CYP21A2: variants seen among roughly 807,000 people sequenced by gnomAD.
The protein encoded by CYP21A2 is steroid 21-hydroxylase.
In CYP21A2, 24 loss-of-function variants were observed where a neutral mutation model predicts 47.4. That is an observed-to-expected ratio of 0.51 (90% CI 0.37 to 0.71). The LOEUF is 0.71. Among genes scored for constraint, CYP21A2 ranks in the 30% least tolerant of loss-of-function variants. The pLI is 0.00. For synonymous variants in CYP21A2, 130 were observed against 273.9 expected, an observed-to-expected ratio of 0.47 and a Z score of 5.19; for missense variants, 358 against 643.2, an observed-to-expected ratio of 0.56 and a Z score of 4.80.
chr6:32,039,841 G>T lies in CYP21A2; in HGVS notation c.738+6G>T. ...TGCAGCTGAGGCAGCACAAGGTGGG[G>T]ACTGTACGTGGACGGCCTCCCCTCG... On this transcript the variant is annotated splice_donor_region_variant and intron_variant, in intron 6 of 9. Coordinates refer to ENST00000644719, the MANE Select transcript of CYP21A2 (RefSeq NM_000500.9). The T allele has an allele frequency of 1.2e-6, 2 of 1,613,276 alleles. No individual in the cohort carries two copies. The highest frequency in any genetic ancestry group is 8.5e-7 in the Non-Finnish European group (1 of 1,179,656).
rs769730855 is a variant in CYP21A2 at position 32,040,445 on chromosome 6, G to A, written c.979G>A (p.Gly327Ser). The change falls in exon 8 of 10, where the codon GGC (glycine) becomes AGC (serine). Residue 327 changes from glycine (G) to serine (S), a missense_variant. By Grantham distance (56) the Gly-to-Ser change is moderately conservative. Transcript: ENST00000644719. ...RLQEELDHEL[G>S]PGASSSRVPY... ...GCAGGAGGAGCTAGACCACGAACTG[G>A]GCCCTGGTGCCTCCAGCTCCCGGGT... The A allele has an allele frequency of 1.2e-6, 2 of 1,613,154 alleles. No individual in the cohort carries two copies. The highest frequency in any genetic ancestry group is 1.7e-6 in the Non-Finnish European group (2 of 1,179,810).
rs377484718 is a variant in CYP21A2, at chr6:32,040,447, C to A, written c.981C>A (p.Gly327=). Residue 327 remains glycine (G), a synonymous_variant, in exon 8 of 10, where the codon GGC becomes GGA. Coordinates refer to ENST00000644719, the MANE Select transcript of CYP21A2 (RefSeq NM_000500.9). ...RLQEELDHEL[G]PGASSSRVPY... is the part of the protein sequence containing the mutation. ...AGGAGGAGCTAGACCACGAACTGGGCCCTGGTGCCTCCAGCTCCCGGGTCC... is the reference window on the plus strand; with the variant it reads ...AGGAGGAGCTAGACCACGAACTGGGACCTGGTGCCTCCAGCTCCCGGGTCC... The A allele has an allele frequency of 7.7e-5, 124 of 1,613,064 alleles. 1 individual carries two copies. Among genetic ancestry groups the A allele is most frequent in the Admixed American group, 1.8e-4 (11 of 60,012 alleles).
At position 32,039,985 on chromosome 6, in the gene CYP21A2, G is replaced by T. The variant is rs374056854; in HGVS notation, c.739-20G>T. 3.8e-5 allele frequency: 62 copies of T among 1,611,618 alleles called. No homozygotes were observed. The African/African-American group carries it at 7.1e-4, about 18-fold the overall frequency. The stretch of plus-strand genomic sequence containing the variant: ...TCTCCCCAGGCCAGCCGCTCAGCCC[G>T]CTCCTTTCACCCTCTGCAGGAGAGC... On this transcript the variant is annotated intron_variant, in intron 6 of 9. Transcript: ENST00000644719.
At chr6:32,039,275 C>G in intron 3 of CYP21A2, 27 bp downstream of exon 3, 1 of 1,572,270 alleles carries the variant, frequency 6.4e-7, no homozygotes. Flanking sequence ...GAGGCCACCT[C>G]GGGTCAGCCT....
chr6:32,038,867 T>A (rs543633765), intron 2 of CYP21A2, 56 bp downstream of exon 2: 4 of 1,389,402 alleles, frequency 2.9e-6, no homozygotes, highest in Non-Finnish European at 4.0e-6. Context: ...AAGAGATGGG[T>A]TCTTGCTATG....
chr6:32,038,482 G>C lies in CYP21A2; in HGVS notation c.60G>C (p.Trp20Cys), dbSNP rs746097144. 67 of 1,587,140 alleles carry C rather than the reference G, an allele frequency of 4.2e-5. No individual in the cohort carries two copies. In the African/African-American group the frequency reaches 5.7e-4, roughly 13 times the overall value. Residue 20 changes from tryptophan to cysteine, a missense_variant, in exon 1 of 10, where the codon TGG becomes TGC. Transcript: ENST00000644719. The stretch of plus-strand genomic sequence containing the variant: ...TGCTGGCTGGCGCCCGCCTGCTGTG[G>C]AACTGGTGGAAGCTCCGGAGCCTCC... ...LPLLAGARLL[W>C]NWWKLRSLHL...
At position 32,040,422 on chromosome 6, in the gene CYP21A2, A is replaced by G; in HGVS notation, c.956A>G (p.Gln319Arg). 1.2e-6 allele frequency: 2 copies of G among 1,613,090 alleles called. No homozygotes were observed. Among genetic ancestry groups the G allele is most frequent in the Non-Finnish European group, 1.7e-6 (2 of 1,179,814 alleles). Reference protein sequence around the residue: ...LHHPEIQQRLQEELDHELGPG... With the variant: ...LHHPEIQQRLREELDHELGPG... ...ATTCCCCAGATTCAGCAGCGACTGC[A>G]GGAGGAGCTAGACCACGAACTGGGC... The change falls in exon 8 of 10, where the codon CAG (glutamine) becomes CGG (arginine). Residue 319 changes from glutamine (Q) to arginine (R), a missense_variant. Gln to Arg is a conservative substitution (Grantham distance 43). Transcript: ENST00000644719.
In CYP21A2 at chr6:32,040,026, T is replaced by C. The variant is rs759857632; in HGVS notation, c.760T>C (p.Trp254Arg). The change falls in exon 7 of 10, where the codon TGG becomes CGG. Residue 254 changes from tryptophan to arginine, a missense_variant. By Grantham distance (101) the Trp-to-Arg change is moderately radical. Coordinates refer to ENST00000644719, the MANE Select transcript of CYP21A2 (RefSeq NM_000500.9). ...QHKESLVAGQ[W>R]RDMMDYMLQG... ...GCAGGAGAGCCTCGTGGCAGGCCAGTGGAGGGACATGATGGACTACATGCT... is the reference window on the plus strand; with the variant it reads ...GCAGGAGAGCCTCGTGGCAGGCCAGCGGAGGGACATGATGGACTACATGCT... 6.2e-7 allele frequency: 1 copy of C among 1,612,284 alleles called. No homozygotes were observed. Among genetic ancestry groups the C allele is most frequent in the East Asian group, 2.2e-5 (1 of 44,842 alleles).
rs1776093934 is a variant in CYP21A2 at position 32,039,413 on chromosome 6, A to G, written c.505A>G (p.Thr169Ala). Reference protein sequence around the residue: ...VAIEEEFSLLTCSIICYLTFG... With the variant: ...VAIEEEFSLLACSIICYLTFG... Reference sequence around the variant, plus strand: ...CATTGAGGAGGAATTCTCTCTCCTCACCTGCAGCATCATCTGTTACCTCAC... The same window carrying G: ...CATTGAGGAGGAATTCTCTCTCCTCGCCTGCAGCATCATCTGTTACCTCAC... The change falls in exon 4 of 10, where the codon ACC becomes GCC. Residue 169 changes from threonine (T) to alanine (A), a missense_variant. By Grantham distance (58) the Thr-to-Ala change is moderately conservative. Transcript: ENST00000644719. 1.9e-6 allele frequency: 3 copies of G among 1,613,122 alleles called. No homozygotes were observed. The highest frequency in any genetic ancestry group is 8.5e-7 in the Non-Finnish European group (1 of 1,179,698).
Position 32,040,508 on chromosome 6 carries a change from G to T in CYP21A2, c.1042G>T (p.Ala348Ser). ...KDRARLPLLN[A>S]TIAEVLRLRP... is the part of the protein sequence containing the mutation. ...CCGTGCACGGCTGCCCTTGCTCAATGCCACCATCGCCGAGGTGCTGCGCCT... is the reference window on the plus strand; with the variant it reads ...CCGTGCACGGCTGCCCTTGCTCAATTCCACCATCGCCGAGGTGCTGCGCCT... The change falls in exon 8 of 10, where the codon GCC becomes TCC. Residue 348 changes from alanine to serine, a missense_variant. By Grantham distance (99) the Ala-to-Ser change is moderately conservative. Coordinates refer to ENST00000644719, the MANE Select transcript of CYP21A2 (RefSeq NM_000500.9). 1 of 1,613,526 alleles carries T rather than the reference G, an allele frequency of 6.2e-7. No homozygotes were observed. The highest frequency in any genetic ancestry group is 8.5e-7 in the Non-Finnish European group (1 of 1,179,806).
Position 32,039,596 on chromosome 6 carries a change from A to C in CYP21A2, c.600A>C (p.Lys200Asn). 1 of 1,575,490 alleles carries C rather than the reference A, an allele frequency of 6.3e-7. No individual in the cohort carries two copies. The highest frequency in any genetic ancestry group is 1.8e-5 in the Admixed American group (1 of 54,476). ...ACAAATGTATCCAGGAGGTGTTAAA[A>C]ACCTGGAGCCACTGGTCCATCCAAA... The part of the protein sequence containing the change: ...AYYKCIQEVL[K>N]TWSHWSIQIV... The change falls in exon 5 of 10, where the codon AAA becomes AAC. Residue 200 changes from lysine (K) to asparagine (N), a missense_variant. Coordinates refer to ENST00000644719, the MANE Select transcript of CYP21A2 (RefSeq NM_000500.9).
chr6:32,038,812 G>C lies in CYP21A2; in HGVS notation c.292+1G>C, dbSNP rs779144910. 1 of 1,429,352 alleles carries C rather than the reference G, an allele frequency of 7.0e-7. No homozygotes were observed. Among genetic ancestry groups the C allele is most frequent in the Non-Finnish European group, 9.8e-7 (1 of 1,020,306 alleles). The allele number at this position is 1,429,352 out of a possible 1,614,324, so 88.5% of individuals were successfully genotyped here. A position where few individuals can be genotyped will look rare whatever the true frequency, so the allele number is the denominator to read the frequency against. On this transcript the variant is annotated splice_donor_variant, in intron 2 of 9. Transcript: ENST00000644719. LOFTEE classifies it high-confidence loss of function. ...GCTGGCAGACCTGAGCCACTTACCT[G>C]TAAGGGCCGGGGGCATTTTTTCTTT...
At position 32,038,544 on chromosome 6, in the gene CYP21A2, T is replaced by C. The variant is rs1299056901; in HGVS notation, c.122T>C (p.Leu41Pro). The change falls in exon 1 of 10, where the codon CTG becomes CCG. Residue 41 changes from leucine to proline, a missense_variant. By Grantham distance (98) the Leu-to-Pro change is moderately conservative. Coordinates refer to ENST00000644719, the MANE Select transcript of CYP21A2 (RefSeq NM_000500.9). Reference protein sequence around the residue: ...PPLAPGFLHLLQPDLPIYLLG... With the variant: ...PPLAPGFLHLPQPDLPIYLLG... ...CTTGCCCCGGGCTTCTTGCACCTGC[T>C]GCAGCCCGACCTCCCCATCTATCTG... The C allele has an allele frequency of 1.2e-6, 2 of 1,603,898 alleles. No homozygotes were observed. Among genetic ancestry groups the C allele is most frequent in the Non-Finnish European group, 1.7e-6 (2 of 1,174,938 alleles).
rs770819769 is a variant in CYP21A2 at position 32,041,485 on chromosome 6, G to A, written c.*351G>A. On this transcript the variant is annotated 3_prime_UTR_variant, in exon 10 of 10. Coordinates refer to ENST00000644719, the MANE Select transcript of CYP21A2 (RefSeq NM_000500.9). ...GGGTTGTCAAGAGAGAGTCAAAGCC[G>A]GATGTCCCATCTGCTCTTCCCGTTC... 4.1e-5 allele frequency: 47 copies of A among 1,154,320 alleles called. 3 individuals are homozygous for A. The highest frequency in any genetic ancestry group is 1.7e-4 in the African/African-American group (10 of 59,708). The allele number at this position is 1,154,320 out of a possible 1,614,324, so 71.5% of individuals were successfully genotyped here.
Position 32,040,218 on chromosome 6 carries a change from G to A in CYP21A2, c.939+13G>A. On this transcript the variant is annotated intron_variant, in intron 7 of 9. Transcript: ENST00000644719. Reference sequence around the variant, plus strand: ...TCACCACCCTGAGGTGCGTCCTGGGGACAAGCAAAAGGCTCCTTCCCAGCA... The same window carrying A: ...TCACCACCCTGAGGTGCGTCCTGGGAACAAGCAAAAGGCTCCTTCCCAGCA... The A allele has an allele frequency of 1.2e-6, 2 of 1,612,862 alleles. No homozygotes were observed. The highest frequency in any genetic ancestry group is 1.7e-6 in the Non-Finnish European group (2 of 1,179,868).
chr6:32,040,238 C>T (rs2151874786), intron 7 of CYP21A2, 33 bp downstream of exon 7: 1 of 1,612,802 alleles, frequency 6.2e-7, no homozygotes, highest in East Asian at 2.2e-5. Context: ...AGGCTCCTTC[C>T]CAGCAACCTG....
intron 2 of CYP21A2, 117 bp from the exon 3 acceptor site, chr6:32,038,977 A>AGCTCTTGG: frequency 6.5e-7 from 1 of 1,531,546 alleles, no homozygotes; most frequent in Non-Finnish European, 8.8e-7. Context: ...GGTCCCTGGA[A>AGCTCTTGG]GCTCTTGGGG....
chr6:32,039,304 C>T (rs1314904621), intron 3 of CYP21A2, 52 bp from the exon 4 acceptor site: 36 of 1,577,154 alleles, frequency 2.3e-5, no homozygotes, highest in Non-Finnish European at 3.1e-5. Context: ...ACAGTAGCCC[C>T]CGCCCTGCCC....
In CYP21A2 at chr6:32,041,592, C is replaced by T. The variant is rs556914799; in HGVS notation, c.*458C>T. 4.6e-6 allele frequency: 5 copies of T among 1,077,014 alleles called. No homozygotes were observed. The highest frequency in any genetic ancestry group is 6.9e-6 in the Non-Finnish European group (5 of 722,294). 66.7% of individuals were successfully genotyped at this position (1,077,014 alleles called of 1,614,324 possible). On this transcript the variant is annotated 3_prime_UTR_variant, in exon 10 of 10. Transcript: ENST00000644719. ...GACCCTCCGCTGCAGAGGATTGAGG[C>T]TTAATTCTGAGCTGGCCCTTTCCAG...
Sources: gnomAD v4.1 joint callset for allele counts on GRCh38, gnomAD v4.1.1 for gene constraint, MANE v1.5 for transcripts, NCBI Gene and HGNC (gene_info 2026-07-23, HGNC 2026-07-21) for gene names.